BACH2: variants seen among roughly 807,000 people sequenced by gnomAD.
The protein encoded by BACH2 is transcription regulator protein BACH2.
Under a neutral mutation model 61.8 loss-of-function variants are expected in BACH2, and 5 were observed. That is an observed-to-expected ratio of 0.08 (90% confidence interval 0.04 to 0.17). The LOEUF is 0.17. BACH2 is among the 10% of genes least tolerant of loss of function. The pLI is 1.00. For missense variants in BACH2, 824 were observed against 1,091.1 expected, an observed-to-expected ratio of 0.76 and a Z score of 3.45; for synonymous variants, 446 against 440.1, an observed-to-expected ratio of 1.01 and a Z score of -0.17.
chr6:90,139,041 CAAG>C (rs1162323028), intron 4 of BACH2, among the ~76,000 whole-genome samples: 1 of 152,006 alleles, frequency 6.6e-6, no homozygotes, highest in African/African-American at 2.4e-5. Flanking sequence ...TGCACTTTAG[CAAG>C]AAGAATAAAC....
chr6:90,157,718 G>A (rs1405416713), intron 4 of BACH2, among the ~76,000 whole-genome samples: 2 of 152,140 alleles, frequency 1.3e-5, no homozygotes, highest in Non-Finnish European at 2.9e-5. Flanking sequence ...GCTTAGAGGA[G>A]AGGAAATACT....
chr6:90,046,841 G>A (rs532346186), intron 5 of BACH2, among the ~76,000 whole-genome samples: 37 of 152,038 alleles, frequency 2.4e-4, no homozygotes, highest in Admixed American at 2.2e-3. Context: ...CAAGAATAAA[G>A]GGAAGGATGA....
chr6:90,185,800 C>T (rs1296398837), intron 4 of BACH2, among the ~76,000 whole-genome samples: 2 of 152,184 alleles, frequency 1.3e-5, no homozygotes, highest in Admixed American at 1.3e-4. Context: ...ACACTGTAAA[C>T]TCCCAGAGAG....
chr6:90,168,384 T>C (rs138437669), intron 4 of BACH2, among the ~76,000 whole-genome samples: 200 of 152,208 alleles, frequency 1.3e-3, no homozygotes, highest in African/African-American at 4.5e-3. Context: ...AAAGGATTGG[T>C]TAAAAAACAT....
At chr6:89,955,004 C>T (rs1232488159) in intron 6 of BACH2, among the ~76,000 whole-genome samples, 1 of 152,236 alleles carries the variant, frequency 6.6e-6, no homozygotes, top group Non-Finnish European at 1.5e-5. Flanking sequence ...AGATTTTGCT[C>T]AGCTTCTGTG....
At position 89,930,161 on chromosome 6, in the gene BACH2, AC is replaced by A. The variant is rs1291852094; in HGVS notation, c.*2246del. 2.1e-5 allele frequency: 3 copies of A among 144,986 alleles called. No homozygotes were observed. Among genetic ancestry groups the A allele is most frequent in the Admixed American group, 7.0e-5 (1 of 14,334 alleles). The allele number at this position is 144,986 out of a possible 1,614,324, so 9.0% of individuals were successfully genotyped here. A position where few individuals can be genotyped will look rare whatever the true frequency, so the allele number is the denominator to read the frequency against. On this transcript the variant is annotated 3_prime_UTR_variant, in exon 9 of 9. Transcript: ENST00000257749. Reference sequence around the variant, plus strand: ...CACACACACACACACACACACACACACACAAACAAGAAAAAACAAAAACCCA... The same window carrying A: ...CACACACACACACACACACACACACAACAAACAAGAAAAAACAAAAACCCA...
intron 4 of BACH2, among the ~76,000 whole-genome samples, chr6:90,113,195 T>C (rs377482292): frequency 6.6e-5 from 10 of 152,136 alleles, no homozygotes; most frequent in African/African-American, 1.4e-4. Flanking sequence ...AGACAGATCA[T>C]TGAGGTGAAA....
At chr6:90,171,054 A>G (rs1471560754) in intron 4 of BACH2, among the ~76,000 whole-genome samples, 1 of 152,150 alleles carries the variant, frequency 6.6e-6, no homozygotes, top group Non-Finnish European at 1.5e-5. Flanking sequence ...CTTCCCAGAA[A>G]TAGAAGACAG....
chr6:89,956,600 G>T (rs1465509989), intron 6 of BACH2, among the ~76,000 whole-genome samples: 1 of 151,770 alleles, frequency 6.6e-6, no homozygotes, highest in East Asian at 1.9e-4. Flanking sequence ...TTGCAAAGCT[G>T]GGGAGCTCAG....
At chr6:89,947,659 G>A (rs994838808) in intron 7 of BACH2, among the ~76,000 whole-genome samples, 5 of 151,536 alleles carry the variant, frequency 3.3e-5, no homozygotes, top group African/African-American at 4.9e-5. Context: ...TCCGCCTCCC[G>A]GGCTCACGCC....
chr6:90,097,910 G>A (rs937350716), intron 4 of BACH2, among the ~76,000 whole-genome samples: 8 of 152,126 alleles, frequency 5.3e-5, no homozygotes, highest in Admixed American at 1.3e-4. Flanking sequence ...CCTTTCATAC[G>A]AATTAGCTTC....
At chr6:90,256,761 T>A (rs547686326) in intron 2 of BACH2, among the ~76,000 whole-genome samples, 7 of 152,330 alleles carry the variant, frequency 4.6e-5, no homozygotes, top group Non-Finnish European at 8.8e-5. Context: ...TGTTTTTATG[T>A]TAAGAGCAGC....
intron 6 of BACH2, among the ~76,000 whole-genome samples, chr6:89,963,446 G>A (rs1251707027): frequency 1.3e-5 from 2 of 152,026 alleles, no homozygotes; most frequent in Admixed American, 6.6e-5. Context: ...GGCACATACC[G>A]TCATGCCCGG....
rs540855689 is a variant in BACH2, at chr6:90,013,821, T to A, written c.-12-4965A>T. Reference sequence around the variant, plus strand: ...CTGTGCCCGGCCTCTTTTTCTATCTTTCTTTCTTTTTCTTCAGTGGCACTC... The same window carrying A: ...CTGTGCCCGGCCTCTTTTTCTATCTATCTTTCTTTTTCTTCAGTGGCACTC... On this transcript the variant is annotated intron_variant, in intron 5 of 8. Coordinates refer to ENST00000257749, the MANE Select transcript of BACH2 (RefSeq NM_021813.4). Among the ~76,000 whole-genome samples the A allele has an allele frequency of 4.0e-5, 6 of 151,656 alleles. No individual in the cohort carries two copies. In the South Asian group the frequency reaches 1.3e-3, roughly 32 times the overall value.
intron 4 of BACH2, among the ~76,000 whole-genome samples, chr6:90,123,769 C>CAA (rs796903431): frequency 0.059 from 1,968 of 33,344 alleles, 99 homozygotes; most frequent in Non-Finnish European, 0.075. Flanking sequence ...GACTCCGTCT[C>CAA]AAAAAAAAAA....
chr6:90,229,270 C>T (rs1325848850), intron 3 of BACH2, among the ~76,000 whole-genome samples: 1 of 152,140 alleles, frequency 6.6e-6, no homozygotes, highest in Admixed American at 6.5e-5. Context: ...ACCAGCCTGG[C>T]CAACATGGTG....
chr6:90,223,215 G>C (rs980532520), intron 3 of BACH2, among the ~76,000 whole-genome samples: 5 of 152,158 alleles, frequency 3.3e-5, no homozygotes, highest in African/African-American at 1.2e-4. Context: ...TAATAAACAT[G>C]TGCTGAGTAC....
rs1780245235 is a variant in BACH2 at position 90,054,833 on chromosome 6, A to AGCCACCGCTGCTGATACCCAG, written c.-13+34107_-13+34127dup. Among the ~76,000 whole-genome samples the AGCCACCGCTGCTGATACCCAG allele has an allele frequency of 2.6e-5, 4 of 152,340 alleles. No homozygotes were observed. In the South Asian group the frequency reaches 8.3e-4, roughly 32 times the overall value. On this transcript the variant is annotated intron_variant, in intron 5 of 8. Transcript: ENST00000257749. ...GGTTCACCAATATCTGCTGTTCTGC[A>AGCCACCGCTGCTGATACCCAG]GCCACCGCTGCTGATACCCAGGCAA...
chr6:90,171,146 C>T (rs887660528), intron 4 of BACH2, among the ~76,000 whole-genome samples: 4 of 151,968 alleles, frequency 2.6e-5, no homozygotes, highest in African/African-American at 9.7e-5. Flanking sequence ...TGCAGTGGCT[C>T]ACGCCTGTAA....
Sources: allele counts gnomAD v4.1 joint callset (sites outside exome capture counted in the v4.1 genomes callset), GRCh38; gene constraint gnomAD v4.1.1; transcripts MANE v1.5; gene names NCBI Gene and HGNC (gene_info 2026-07-23, HGNC 2026-07-21).